The following FBXW11 variants were observed in gnomAD, a reference collection of about 807,000 sequenced individuals.
FBXW11 encodes the protein F-box/WD repeat-containing protein 11.
Under a neutral mutation model 77.6 loss-of-function variants are expected in FBXW11, and 19 were observed. The observed-to-expected ratio is 0.24, with a 90% confidence interval of 0.17 to 0.36. FBXW11 has a LOEUF of 0.36. Ranked by LOEUF, FBXW11 falls within the 10% of genes least tolerant of loss-of-function variation. The pLI, the probability that FBXW11 is intolerant of heterozygous loss-of-function variation, is 1.00. For synonymous variants in FBXW11, 235 were observed against 249.4 expected (o/e 0.94, Z 0.54); for missense variants, 334 against 704.2 (o/e 0.47, Z 5.95).
chr5:171,955,922 C>A (rs953519064), intron 2 of FBXW11, among the ~76,000 whole-genome samples: 1 of 152,084 alleles, frequency 6.6e-6, no homozygotes, highest in Admixed American at 6.6e-5. Flanking sequence ...AGGTAGGAAC[C>A]CGTGTACCTC....
intron 8 of FBXW11, among the ~76,000 whole-genome samples, chr5:171,877,313 A>G (rs1020177689): frequency 1.3e-5 from 2 of 152,172 alleles, no homozygotes; most frequent in African/African-American, 4.8e-5. Flanking sequence ...AATGGTTCCA[A>G]GCTTAGTTCT....
Position 171,913,862 on chromosome 5 carries a change from C to T in FBXW11, c.210+481G>A, listed in dbSNP as rs551133172. Among the ~76,000 whole-genome samples the T allele has an allele frequency of 5.7e-4, 86 of 151,292 alleles. 2 individuals are homozygous for T. The East Asian group carries it at 0.014, about 24-fold the overall frequency. On this transcript the variant is annotated intron_variant, in intron 3 of 13. Transcript: ENST00000517395. ...ACACACACACACACACACACACACA[C>T]ACACACACACACAACCTGGGAAATT...
chr5:171,913,241 T>C (rs1432747759), intron 3 of FBXW11, among the ~76,000 whole-genome samples: 1 of 152,236 alleles, frequency 6.6e-6, no homozygotes, highest in Non-Finnish European at 1.5e-5. Flanking sequence ...TTCACAGCCA[T>C]TAATTCATTT....
chr5:171,953,737 C>G (rs1763474332), intron 2 of FBXW11, among the ~76,000 whole-genome samples: 1 of 152,022 alleles, frequency 6.6e-6, no homozygotes, highest in Non-Finnish European at 1.5e-5. Context: ...AAGTAACTTG[C>G]CCAGTATCAC....
At chr5:171,947,075 A>T (rs1333080514) in intron 2 of FBXW11, among the ~76,000 whole-genome samples, 1 of 151,952 alleles carries the variant, frequency 6.6e-6, no homozygotes, top group Non-Finnish European at 1.5e-5. Flanking sequence ...TGGCCTCCCA[A>T]GGTGCTGGGA....
At chr5:171,958,470 G>A (rs1451266737) in intron 1 of FBXW11, among the ~76,000 whole-genome samples, 4 of 152,126 alleles carry the variant, frequency 2.6e-5, no homozygotes, top group African/African-American at 9.7e-5. Context: ...GATTTTCAGT[G>A]TCATCACATC....
chr5:171,871,570 T>C (rs1380984219), intron 10 of FBXW11, among the ~76,000 whole-genome samples: 1 of 152,244 alleles, frequency 6.6e-6, no homozygotes, highest in East Asian at 1.9e-4. Context: ...ACCAAGTCTT[T>C]TTCTCTGCAT....
At chr5:171,873,900 C>A (rs1307789728) in intron 9 of FBXW11, among the ~76,000 whole-genome samples, 2 of 152,106 alleles carry the variant, frequency 1.3e-5, no homozygotes, top group East Asian at 3.8e-4. Context: ...ATAAATAGAT[C>A]TCCACAAGTA....
chr5:171,988,862 A>G (rs1026313199), intron 1 of FBXW11, among the ~76,000 whole-genome samples: 7 of 149,238 alleles, frequency 4.7e-5, no homozygotes, highest in Non-Finnish European at 1.0e-4. Context: ...AAATAAATAT[A>G]TACATACACA....
At chr5:171,976,657 C>T (rs1247253034) in intron 1 of FBXW11, among the ~76,000 whole-genome samples, 1 of 152,092 alleles carries the variant, frequency 6.6e-6, no homozygotes, top group Admixed American at 6.6e-5. Flanking sequence ...TCTCTCACGC[C>T]CTTCCATCTT....
At chr5:171,916,049 GGA>G (rs1346526268) in intron 2 of FBXW11, among the ~76,000 whole-genome samples, 2 of 150,696 alleles carry the variant, frequency 1.3e-5, no homozygotes, top group Admixed American at 1.3e-4. Flanking sequence ...TGAGAACACT[GGA>G]GACACAGGAA....
intron 1 of FBXW11, chr5:172,003,337 C>T (rs576756125): frequency 4.6e-5 from 7 of 152,256 alleles, no homozygotes; most frequent in African/African-American, 1.7e-4. Context: ...ATTCCTAACT[C>T]AAAGGTTAAT....
chr5:171,898,700 G>A (rs544574473), intron 6 of FBXW11, among the ~76,000 whole-genome samples: 1 of 152,100 alleles, frequency 6.6e-6, no homozygotes, highest in Non-Finnish European at 1.5e-5. Flanking sequence ...ACGGGGCCTT[G>A]GATTTTGGAA....
chr5:171,903,531 G>A (rs1760276853), intron 4 of FBXW11, among the ~76,000 whole-genome samples: 1 of 152,158 alleles, frequency 6.6e-6, no homozygotes, highest in Non-Finnish European at 1.5e-5. Context: ...GAATCCGTCA[G>A]CCTTCTTTTA....
chr5:171,975,596 T>A (rs1764785434), intron 1 of FBXW11, among the ~76,000 whole-genome samples: 1 of 152,268 alleles, frequency 6.6e-6, no homozygotes, highest in Non-Finnish European at 1.5e-5. Flanking sequence ...CTTTGCTATC[T>A]ACGTGACCTT....
intron 10 of FBXW11, among the ~76,000 whole-genome samples, chr5:171,871,233 G>A (rs1046951469): frequency 6.6e-6 from 1 of 152,224 alleles, no homozygotes; most frequent in Non-Finnish European, 1.5e-5. Flanking sequence ...GACAAATGGT[G>A]TAGGAAAGAC....
Position 171,891,618 on chromosome 5 carries a change from G to A in FBXW11, c.715-14C>T. 6.2e-7 allele frequency: 1 copy of A among 1,601,318 alleles called. No individual in the cohort carries two copies. ...AGATTCTATAGTCTAGGGAAAAAAG[G>A]AGGCAAGAGATGAGTTTTTATGAAT... On this transcript the variant is annotated splice_polypyrimidine_tract_variant and intron_variant, in intron 6 of 13. Coordinates refer to ENST00000517395, the MANE Select transcript of FBXW11 (RefSeq NM_001378974.1).
In FBXW11 at chr5:171,910,600, C is replaced by T. The variant is rs964626492; in HGVS notation, c.408G>A (p.Leu136=). ...GTAAAGCGGTAATAAAGTCCCGCTG[C>T]AACATGGGCTTCAGGTAAGAGTTAA... The part of the protein sequence containing the change: ...GHINSYLKPM[L]QRDFITALPE... Residue 136 remains leucine (L), a synonymous_variant, in exon 4 of 14, where the codon TTG becomes TTA. Transcript: ENST00000517395. 3.7e-6 allele frequency: 6 copies of T among 1,613,306 alleles called. No homozygotes were observed. The African/African-American group carries it at 6.7e-5, about 18-fold the overall frequency.
chr5:171,898,921 G>T lies in FBXW11; in HGVS notation c.714+83C>A. ...AAAAATTATTAGTTCTACGATTTTA[G>T]ACCAAAAGAACACTCTAAGGCAACA... is the stretch of plus-strand genomic sequence containing the variant. On this transcript the variant is annotated intron_variant, in intron 6 of 13. Transcript: ENST00000517395. 3 of 798,990 alleles carry T rather than the reference G, an allele frequency of 3.8e-6. No homozygotes were observed. The South Asian group carries it at 7.4e-5, about 20-fold the overall frequency. 49.5% of individuals were successfully genotyped at this position (798,990 alleles called of 1,614,324 possible). A position where few individuals can be genotyped will look rare whatever the true frequency, so the allele number is the denominator to read the frequency against.
Sources: gnomAD v4.1 joint callset for allele counts (sites outside exome capture counted in the v4.1 genomes callset) on GRCh38, gnomAD v4.1.1 for gene constraint, MANE v1.5 for transcripts, NCBI Gene and HGNC (gene_info 2026-07-23, HGNC 2026-07-21) for gene names.